The following HECA variants were observed in gnomAD, a reference collection of about 807,000 sequenced individuals.
HECA encodes HECA ribonucleoprotein granule regulator.
HECA carries 13 observed loss-of-function variants against 37.6 expected under a neutral mutation model. That is an observed-to-expected ratio of 0.35 (90% CI 0.23 to 0.55). HECA has a LOEUF of 0.55. HECA is among the 20% of genes least tolerant of loss of function. HECA has a pLI of 0.90. For missense variants in HECA, 527 were observed against 701.9 expected (o/e 0.75, Z 2.82); for synonymous variants, 307 against 291.5 (o/e 1.05, Z -0.54).
intron 2 of HECA, among the ~76,000 whole-genome samples, chr6:139,173,994 G>T (rs938239810): frequency 1.3e-5 from 2 of 152,146 alleles, no homozygotes; most frequent in Non-Finnish European, 2.9e-5. Context: ...AAGATCAGTG[G>T]TGTTGGTTAA....
At chr6:139,154,925 A>C (rs1774694807) in intron 1 of HECA, among the ~76,000 whole-genome samples, 1 of 126,012 alleles carries the variant, frequency 7.9e-6, no homozygotes, top group African/African-American at 3.3e-5. Context: ...ATTGGAATAC[A>C]GTACTAAAGA....
intron 1 of HECA, among the ~76,000 whole-genome samples, chr6:139,141,919 ATTTTTTTTTTTTT>A (rs11345845): frequency 4.1e-5 from 2 of 48,756 alleles, no homozygotes; most frequent in African/African-American, 9.6e-5. Context: ...TGCCCAGCTA[ATTTTTTTTTTTTT>A]TTTTTTTTTT....
At chr6:139,169,368 G>A (rs905464862) in intron 2 of HECA, among the ~76,000 whole-genome samples, 5 of 151,714 alleles carry the variant, frequency 3.3e-5, no homozygotes, top group East Asian at 1.9e-4. Context: ...GTGTTTTTAC[G>A]GAGTTACAAA....
intron 1 of HECA, among the ~76,000 whole-genome samples, chr6:139,145,878 G>A (rs1023612677): frequency 2.0e-5 from 3 of 152,106 alleles, no homozygotes. Context: ...GTGATGAGTC[G>A]CTCTTCCTTG....
chr6:139,165,916 G>A lies in HECA; in HGVS notation c.272-368G>A, dbSNP rs183192407. 8 of 175,478 alleles carry A rather than the reference G, an allele frequency of 4.6e-5. No homozygotes were observed. In the East Asian group the frequency reaches 1.3e-3, roughly 28 times the overall value. 10.9% of individuals were successfully genotyped at this position (175,478 alleles called of 1,614,324 possible). A position where few individuals can be genotyped will look rare whatever the true frequency, so the allele number is the denominator to read the frequency against. On this transcript the variant is annotated intron_variant, in intron 1 of 3. Coordinates refer to ENST00000367658, the MANE Select transcript of HECA (RefSeq NM_016217.3). ...GTTTTTTCCTTCACAGCCTGGCTTT[G>A]TAATTTTGTGTAGACCAACAATTAG...
intron 1 of HECA, among the ~76,000 whole-genome samples, chr6:139,143,588 C>T (rs984231901): frequency 3.3e-5 from 5 of 152,094 alleles, no homozygotes; most frequent in African/African-American, 7.2e-5. Flanking sequence ...CGCTGCCAGG[C>T]GTGGTGGCTC....
chr6:139,157,410 A>G (rs1774732376), intron 1 of HECA, among the ~76,000 whole-genome samples: 1 of 152,162 alleles, frequency 6.6e-6, no homozygotes, highest in Admixed American at 6.5e-5. Context: ...TTTAAGATAG[A>G]GTTGCTCTGG....
At chr6:139,171,237 AAAGG>A (rs1017261664) in intron 2 of HECA, among the ~76,000 whole-genome samples, 5 of 152,200 alleles carry the variant, frequency 3.3e-5, no homozygotes, top group East Asian at 1.9e-4. Flanking sequence ...AAGAGAAAAA[AAAGG>A]AAGGAGGATA....
rs1250044625 is a variant in HECA, at chr6:139,176,927, T to C, written c.1468-14T>C. The C allele has an allele frequency of 2.3e-6, 2 of 862,892 alleles. No individual in the cohort carries two copies. Among genetic ancestry groups the C allele is most frequent in the Admixed American group, 3.4e-5 (2 of 58,942 alleles). The allele number at this position is 862,892 out of a possible 1,614,324, so 53.5% of individuals were successfully genotyped here. A position where few individuals can be genotyped will look rare whatever the true frequency, so the allele number is the denominator to read the frequency against. ...TGGAGGGGTGTTGTGGCTGATGGTGTCTGTTTCCCCCAGGCCCGCCTGAAC... is the reference window on the plus strand; with the variant it reads ...TGGAGGGGTGTTGTGGCTGATGGTGCCTGTTTCCCCCAGGCCCGCCTGAAC... On this transcript the variant is annotated splice_polypyrimidine_tract_variant and intron_variant, in intron 3 of 3. Transcript: ENST00000367658. The surrounding 1 kb of genome is among the most constrained non-coding windows in gnomAD (Gnocchi z 4.5).
intron 1 of HECA, among the ~76,000 whole-genome samples, chr6:139,152,511 T>C (rs746990861): frequency 1.3e-5 from 2 of 152,012 alleles, no homozygotes; most frequent in African/African-American, 2.4e-5. Context: ...AATCCTACTG[T>C]AAGCAAAGAA....
chr6:139,166,648 G>GCTCA lies in HECA; in HGVS notation c.636_637insCTCA (p.Arg213LeufsTer6). The GCTCA allele has an allele frequency of 6.2e-7, 1 of 1,614,200 alleles. No homozygotes were observed. Among genetic ancestry groups the GCTCA allele is most frequent in the Non-Finnish European group, 8.5e-7 (1 of 1,180,036 alleles). On this transcript the variant is annotated frameshift_variant, in exon 2 of 4. Coordinates refer to ENST00000367658, the MANE Select transcript of HECA (RefSeq NM_016217.3). LOFTEE classifies it high-confidence loss of function. Reference sequence around the variant, plus strand: ...AGTCTGGCTCCGAGAAGAACACAGGGAGGCCTCCTGGTGAGGCGGCGGAGG... The same window carrying GCTCA: ...AGTCTGGCTCCGAGAAGAACACAGGGCTCAAGGCCTCCTGGTGAGGCGGCGGAGG...
intron 1 of HECA, among the ~76,000 whole-genome samples, chr6:139,138,583 A>G (rs1774478162): frequency 6.6e-6 from 1 of 152,218 alleles, no homozygotes; most frequent in Non-Finnish European, 1.5e-5. Flanking sequence ...GAGCAGGGCA[A>G]TATTAGCTTT....
chr6:139,135,420 A>T lies in HECA; in HGVS notation c.24A>T (p.Lys8Asn). The T allele has an allele frequency of 7.3e-7, 1 of 1,368,510 alleles. No individual in the cohort carries two copies. 84.8% of individuals were successfully genotyped at this position (1,368,510 alleles called of 1,614,324 possible). Reference sequence around the variant, plus strand: ...AGATGCCCAACCCCAAAAACAGCAAAGGCGGCCGCAAAAACAAGCGCGCCA... The same window carrying T: ...AGATGCCCAACCCCAAAAACAGCAATGGCGGCCGCAAAAACAAGCGCGCCA... MPNPKNS[K>N]GGRKNKRANS... The change falls in exon 1 of 4, where the codon AAA becomes AAT. Residue 8 changes from lysine (K) to asparagine (N), a missense_variant. By Grantham distance (94) the Lys-to-Asn change is moderately conservative. Around this residue, in one of 4 missense-constraint regions of HECA, gnomAD observed 172 missense variants for 197.6 expected, o/e 0.87. Coordinates refer to ENST00000367658, the MANE Select transcript of HECA (RefSeq NM_016217.3).
intron 2 of HECA, among the ~76,000 whole-genome samples, chr6:139,168,393 A>G (rs1188356317): frequency 7.0e-6 from 1 of 143,662 alleles, no homozygotes; most frequent in Non-Finnish European, 1.5e-5. Flanking sequence ...TTTTGTTTTT[A>G]TTAGGGTTAA....
chr6:139,154,690 G>A (rs1292461416), intron 1 of HECA, among the ~76,000 whole-genome samples: 2 of 152,232 alleles, frequency 1.3e-5, no homozygotes, highest in Non-Finnish European at 2.9e-5. Flanking sequence ...GGGCCAAATC[G>A]GCCATGGCCT....
At chr6:139,140,282 G>A (rs1456937898) in intron 1 of HECA, among the ~76,000 whole-genome samples, 1 of 152,182 alleles carries the variant, frequency 6.6e-6, no homozygotes, top group East Asian at 1.9e-4. Flanking sequence ...AGGATCTAAG[G>A]TATATAGGTT....
intron 1 of HECA, among the ~76,000 whole-genome samples, chr6:139,137,075 A>C (rs1774457550): frequency 6.6e-6 from 1 of 152,146 alleles, no homozygotes. Context: ...AGATTTATTT[A>C]TTTATTTTCA....
intron 2 of HECA, among the ~76,000 whole-genome samples, 176 bp from the exon 3 acceptor site, chr6:139,174,209 A>G (rs1291456070): frequency 6.6e-6 from 1 of 152,236 alleles, no homozygotes; most frequent in African/African-American, 2.4e-5. Context: ...AACAGCTAGT[A>G]ATTCATCATT....
At chr6:139,136,413 T>C (rs1163264534) in intron 1 of HECA, among the ~76,000 whole-genome samples, 2 of 152,164 alleles carry the variant, frequency 1.3e-5, no homozygotes, top group African/African-American at 4.8e-5. Flanking sequence ...GGCCCAGATG[T>C]GACAGGATTT....
Sources: gnomAD v4.1 joint callset for allele counts (sites outside exome capture counted in the v4.1 genomes callset) on GRCh38, gnomAD v4.1.1 for gene constraint, gnomAD v4.1.1 regional missense constraint, Gnocchi (gnomAD v3.1) non-coding constraint, MANE v1.5 for transcripts, NCBI Gene and HGNC (gene_info 2026-07-23, HGNC 2026-07-21) for gene names.